WDR59: variants seen among roughly 807,000 people sequenced by gnomAD.
WDR59 encodes the protein GATOR2 complex protein WDR59.
WDR59 carries 100 observed loss-of-function variants against 131.2 expected under a neutral mutation model. The observed-to-expected ratio is 0.76, with a 90% CI of 0.65 to 0.90. The LOEUF (loss-of-function observed/expected upper bound fraction) is 0.90, where lower values mean the gene tolerates loss of function less well. Ranked by LOEUF, WDR59 falls within the 40% of genes least tolerant of loss-of-function variation. The pLI, the probability that WDR59 is intolerant of heterozygous loss-of-function variation, is 0.00. For synonymous variants in WDR59, 601 were observed against 466.2 expected, an observed-to-expected ratio of 1.29 and a Z score of -3.72; for missense variants, 1,203 against 1,262.2, an observed-to-expected ratio of 0.95 and a Z score of 0.71.
rs1362515683 is a variant in WDR59 at position 74,909,775 on chromosome 16, A to T, written c.1485+47T>A. 1.9e-6 allele frequency: 3 copies of T among 1,589,420 alleles called. No homozygotes were observed. The African/African-American group carries it at 4.1e-5, about 22-fold the overall frequency. On this transcript the variant is annotated intron_variant, in intron 15 of 25. Transcript: ENST00000262144. ...ATGATTTTAGGGAGAAAGAAATGAA[A>T]CAAAACACCAAAGCCTAAGTTGGTA... is the stretch of plus-strand genomic sequence containing the variant.
At chr16:74,984,867 G>A in intron 1 of WDR59, 97 bp downstream of exon 1, 4 of 1,526,010 alleles carry the variant, frequency 2.6e-6, no homozygotes, top group Non-Finnish European at 3.6e-6. Flanking sequence ...CGGGGCCTAG[G>A]GTCTCCCCGT....
rs150222857 is a variant in WDR59, at chr16:74,911,008, C to A, written c.1390-1091G>T. On this transcript the variant is annotated intron_variant, in intron 14 of 25. Coordinates refer to ENST00000262144, the MANE Select transcript of WDR59 (RefSeq NM_030581.4). ...CCTACCGAGTCGCTGGGAATACAGG[C>A]ATGCGCCACCACGCCTGGCTACTTT... Among the ~76,000 whole-genome samples the A allele has an allele frequency of 3.9e-5, 6 of 152,296 alleles. 1 individual carries two copies. The South Asian group carries it at 1.2e-3, about 32-fold the overall frequency.
intron 1 of WDR59, among the ~76,000 whole-genome samples, chr16:74,978,861 C>T (rs1157557771): frequency 6.6e-6 from 1 of 152,070 alleles, no homozygotes; most frequent in Non-Finnish European, 1.5e-5. Flanking sequence ...ACATACAGAG[C>T]TTGATTTTCT....
At chr16:74,910,133 A>G (rs12325321) in intron 14 of WDR59, among the ~76,000 whole-genome samples, 150,392 of 151,940 alleles carry the variant, frequency 0.99, 74,447 homozygotes, top group Non-Finnish European at 1. Context: ...ATGCCTGGCT[A>G]ATTTTTGTAT....
rs377348791 is a variant in WDR59 at position 74,980,003 on chromosome 16, C to T, written c.54+4961G>A. Among the ~76,000 whole-genome samples the T allele has an allele frequency of 3.3e-5, 5 of 151,730 alleles. No individual in the cohort carries two copies. In the East Asian group the frequency reaches 7.8e-4, roughly 24 times the overall value. On this transcript the variant is annotated intron_variant, in intron 1 of 25. Transcript: ENST00000262144. The stretch of plus-strand genomic sequence containing the variant: ...AGCTGGGATGACAGGCATGCACCAC[C>T]ACGCCCAGCTAATTTTTATTGTATT...
chr16:74,944,398 G>T (rs1229877333), intron 6 of WDR59, among the ~76,000 whole-genome samples: 2 of 151,564 alleles, frequency 1.3e-5, no homozygotes, highest in Non-Finnish European at 2.9e-5. Flanking sequence ...CCTAGTAGGG[G>T]GAGGTTGCAG....
rs1964029515 is a variant in WDR59, at chr16:74,872,559, C to G, written c.*1650G>C. 1 of 145,376 alleles carries G rather than the reference C, an allele frequency of 6.9e-6. No individual in the cohort carries two copies. Among genetic ancestry groups the G allele is most frequent in the East Asian group, 2.0e-4 (1 of 5,036 alleles). The allele number at this position is 145,376 out of a possible 1,614,324, so 9.0% of individuals were successfully genotyped here. ...TGGGTGACAGAGTGAGACCCTGTCT[C>G]TCTCTCTAAAAAAAAAAAAAAAAAA... On this transcript the variant is annotated 3_prime_UTR_variant, in exon 26 of 26. Transcript: ENST00000262144.
In WDR59 at chr16:74,942,873, G is replaced by A. The variant is rs760194697; in HGVS notation, c.446-47C>T. 53 of 1,567,968 alleles carry A rather than the reference G, an allele frequency of 3.4e-5. No individual in the cohort carries two copies. The African/African-American group carries it at 3.8e-4, about 11-fold the overall frequency. On this transcript the variant is annotated intron_variant, in intron 6 of 25. Transcript: ENST00000262144. ...GAAAGCTGCTGCCCTTGGTGCTTTC[G>A]GAAGCAGAGCAGAGCACAGCCAGGG... is the stretch of plus-strand genomic sequence containing the variant.
intron 10 of WDR59, among the ~76,000 whole-genome samples, chr16:74,918,992 T>C (rs1006244793): frequency 2.0e-5 from 3 of 152,180 alleles, no homozygotes; most frequent in African/African-American, 7.2e-5. Context: ...TTGCCTCATG[T>C]CCACATCAAC....
chr16:74,921,895 C>T (rs1372967728), intron 10 of WDR59, 52 bp downstream of exon 10: 24 of 1,580,824 alleles, frequency 1.5e-5, no homozygotes, highest in African/African-American at 8.1e-5. Flanking sequence ...TGACTGGCAC[C>T]GCTGTCACCA....
At chr16:74,934,103 T>A (rs114328782) in intron 8 of WDR59, among the ~76,000 whole-genome samples, 1 of 152,164 alleles carries the variant, frequency 6.6e-6, no homozygotes, top group Admixed American at 6.5e-5. Context: ...TAATGAGCTC[T>A]ACACTGTGCA....
At chr16:74,968,537 A>G (rs956384081) in intron 1 of WDR59, among the ~76,000 whole-genome samples, 6 of 152,166 alleles carry the variant, frequency 3.9e-5, no homozygotes, top group African/African-American at 1.4e-4. Context: ...CCTGGCCAAC[A>G]TGGCGAAACC....
At chr16:74,972,503 A>G (rs1377577061) in intron 1 of WDR59, among the ~76,000 whole-genome samples, 1 of 152,088 alleles carries the variant, frequency 6.6e-6, no homozygotes, top group Non-Finnish European at 1.5e-5. Context: ...TGCAGCAGAA[A>G]CGGTATGCAT....
At chr16:74,878,907 C>G (rs1964345178) in intron 25 of WDR59, among the ~76,000 whole-genome samples, 1 of 152,224 alleles carries the variant, frequency 6.6e-6, no homozygotes, top group Non-Finnish European at 1.5e-5. Flanking sequence ...CGGCTTTTGC[C>G]TCACACTTGC....
At position 74,916,151 on chromosome 16, in the gene WDR59, T is replaced by C. The variant is rs773324923; in HGVS notation, c.1075A>G (p.Thr359Ala). 1 of 1,614,210 alleles carries C rather than the reference T, an allele frequency of 6.2e-7. No individual in the cohort carries two copies. Among genetic ancestry groups the C allele is most frequent in the Non-Finnish European group, 8.5e-7 (1 of 1,180,030 alleles). Residue 359 changes from threonine to alanine, a missense_variant, in exon 12 of 26, where the codon ACT becomes GCT. By Grantham distance (58) the Thr-to-Ala change is moderately conservative. Coordinates refer to ENST00000262144, the MANE Select transcript of WDR59 (RefSeq NM_030581.4). ...CCTTCTTCCTCCCCATGGCTTGCAGTGTGCTGGTGATCTGTATCTTCAGTG... is the reference window on the plus strand; with the variant it reads ...CCTTCTTCCTCCCCATGGCTTGCAGCGTGCTGGTGATCTGTATCTTCAGTG... ...LHTEDTDHQH[T>A]ASHGEEEALK...
At chr16:74,947,963 G>T (rs1406185217) in intron 6 of WDR59, among the ~76,000 whole-genome samples, 1 of 152,104 alleles carries the variant, frequency 6.6e-6, no homozygotes, top group Non-Finnish European at 1.5e-5. Flanking sequence ...CCAGCTACTT[G>T]GGAGACTGAG....
chr16:74,876,466 T>A (rs1343618675), intron 25 of WDR59, among the ~76,000 whole-genome samples: 2 of 152,230 alleles, frequency 1.3e-5, no homozygotes, highest in Non-Finnish European at 2.9e-5. Context: ...TGTTCCTTGG[T>A]ACTTGAGATA....
chr16:74,886,269 C>A lies in WDR59; in HGVS notation c.2546+1G>T. The A allele has an allele frequency of 6.2e-7, 1 of 1,611,682 alleles. No homozygotes were observed. Among genetic ancestry groups the A allele is most frequent in the Non-Finnish European group, 8.5e-7 (1 of 1,178,444 alleles). ...CAGCTCTCACCTGGGAGGGTGGTTA[C>A]CTTTTATTTTTATCATGCTGGTCGC... On this transcript the variant is annotated splice_donor_variant, in intron 24 of 25. Coordinates refer to ENST00000262144, the MANE Select transcript of WDR59 (RefSeq NM_030581.4). LOFTEE classifies it high-confidence loss of function.
chr16:74,928,349 T>G (rs542020881), intron 8 of WDR59, among the ~76,000 whole-genome samples: 1 of 151,920 alleles, frequency 6.6e-6, no homozygotes, highest in South Asian at 2.1e-4. Context: ...TGTGAGTAGA[T>G]GGGACTACAA....
Sources: allele counts gnomAD v4.1 joint callset (sites outside exome capture counted in the v4.1 genomes callset), GRCh38; gene constraint gnomAD v4.1.1; transcripts MANE v1.5; gene names NCBI Gene and HGNC (gene_info 2026-07-23, HGNC 2026-07-21).